Variants in NEU3 observed in about 807,000 individuals in gnomAD.
NEU3 encodes sialidase-3.
A neutral mutation model predicts 11.4 loss-of-function variants in NEU3; 10 were observed. That is an observed-to-expected ratio of 0.88 (90% CI 0.54 to 1.49). NEU3 has a LOEUF of 1.49. Among genes scored for constraint, NEU3 ranks in the 40% most tolerant of loss-of-function variants. The probability of loss-of-function intolerance (pLI) is 0.00; values close to 1 mark genes in which losing one functional copy is unlikely to be tolerated. For missense variants in NEU3, 529 were observed against 581.8 expected, an observed-to-expected ratio of 0.91 and a Z score of 0.93; for synonymous variants, 212 against 228.2, an observed-to-expected ratio of 0.93 and a Z score of 0.64.
At position 75,009,419 on chromosome 11, in the gene NEU3, A is replaced by G. The variant is rs1189093027; in HGVS notation, c.*2927A>G. 6.6e-6 allele frequency: 1 copy of G among 152,294 alleles called. No individual in the cohort carries two copies. The highest frequency in any genetic ancestry group is 1.5e-5 in the Non-Finnish European group (1 of 68,088). 9.4% of individuals were successfully genotyped at this position (152,294 alleles called of 1,614,324 possible). ...TTCCAGATGACCAACAAAGACAGCT[A>G]TAGACACTCTAACTCTGTGCCAATT... On this transcript the variant is annotated 3_prime_UTR_variant, in exon 3 of 3. Coordinates refer to ENST00000294064, the MANE Select transcript of NEU3 (RefSeq NM_006656.6).
upstream of NEU3, chr11:74,988,880 C>A: frequency 1.7e-6 from 1 of 602,166 alleles, no homozygotes; most frequent in Non-Finnish European, 2.9e-6. Context: ...CCCCAACCGC[C>A]ACTGACTACA....
upstream of NEU3, among the ~76,000 whole-genome samples, chr11:74,987,564 A>G (rs978640594): frequency 1.4e-4 from 21 of 152,258 alleles, no homozygotes; most frequent in African/African-American, 4.8e-4. Flanking sequence ...CTGTAATCCC[A>G]GCACTTTGGT....
Position 74,994,637 on chromosome 11 carries a change from G to T in NEU3, c.223G>T (p.Ala75Ser), listed in dbSNP as rs1191101489. 1 of 1,613,880 alleles carries T rather than the reference G, an allele frequency of 6.2e-7. No individual in the cohort carries two copies. Among genetic ancestry groups the T allele is most frequent in the East Asian group, 2.2e-5 (1 of 44,892 alleles). ...CCCCACCCACACCTTCCTGGCCTTT[G>T]CAGAGAAGCGTTCTACGAGGAGAGA... ...IPPTHTFLAF[A>S]EKRSTRRDED... Residue 75 changes from alanine to serine, a missense_variant, in exon 2 of 3, where the codon GCA (alanine) becomes TCA (serine). Physicochemically the swap from Ala to Ser is moderately conservative, Grantham distance 99. Coordinates refer to ENST00000294064, the MANE Select transcript of NEU3 (RefSeq NM_006656.6).
intron 2 of NEU3, among the ~76,000 whole-genome samples, chr11:75,000,608 A>G (rs1237558320): frequency 5.3e-5 from 8 of 151,040 alleles, no homozygotes; most frequent in African/African-American, 1.9e-4. Context: ...TGTATATACC[A>G]TATTTTGTTT....
the NEU3 span, among the ~76,000 whole-genome samples, chr11:74,982,863 CT>C: frequency 1.3e-5 from 2 of 152,160 alleles, no homozygotes; most frequent in Non-Finnish European, 1.5e-5. Context: ...CTAGTAACAA[CT>C]GTCTCCTGCA....
chr11:75,004,268 TGTCAA>T, intron 2 of NEU3: 1 of 679,720 alleles, frequency 1.5e-6, no homozygotes. Flanking sequence ...TAAAGTGTTA[TGTCAA>T]TTTAGTTATT....
At chr11:75,016,579 G>A (rs1337928441) in intron 3 of NEU3, among the ~76,000 whole-genome samples, 1 of 152,182 alleles carries the variant, frequency 6.6e-6, no homozygotes, top group Non-Finnish European at 1.5e-5. Flanking sequence ...CTAGCATAGT[G>A]GGACTTAAGT....
At chr11:74,985,997 T>G (rs542681321), upstream of NEU3, among the ~76,000 whole-genome samples, 29 of 152,238 alleles carry the variant, frequency 1.9e-4, no homozygotes, top group Admixed American at 3.3e-4. Flanking sequence ...GAGCCAAGTT[T>G]CCAGACACCT....
rs150460903 is a variant in NEU3, at chr11:75,002,991, A to G, written c.307-2422A>G. ...TTGTTGGATACTTGGGTTAGTTATT[A>G]TAAGTATAGATTATACTGCTGTGAA... On this transcript the variant is annotated intron_variant, in intron 2 of 2. Transcript: ENST00000294064. 4.6e-5 allele frequency among the ~76,000 whole-genome samples: 7 copies of G among 152,364 alleles called. No individual in the cohort carries two copies. In the East Asian group the frequency reaches 1.2e-3, roughly 25 times the overall value.
At chr11:75,001,833 A>G (rs1396213818) in intron 2 of NEU3, among the ~76,000 whole-genome samples, 1 of 152,210 alleles carries the variant, frequency 6.6e-6, no homozygotes, top group East Asian at 1.9e-4. Flanking sequence ...CTTCTCAAAA[A>G]CTAGACTGCT....
At chr11:74,987,221 AG>A (rs1189898571), upstream of NEU3, among the ~76,000 whole-genome samples, 2 of 152,230 alleles carry the variant, frequency 1.3e-5, no homozygotes, top group Non-Finnish European at 2.9e-5. Flanking sequence ...CAGAATAAAA[AG>A]CTGCTTTCCT....
chr11:75,016,735 C>T (rs1441491820), intron 3 of NEU3, among the ~76,000 whole-genome samples: 4 of 152,136 alleles, frequency 2.6e-5, no homozygotes, highest in African/African-American at 9.7e-5. Flanking sequence ...GGCTTTATGG[C>T]ATTGAAGTGA....
intron 1 of NEU3, among the ~76,000 whole-genome samples, 162 bp downstream of exon 1, chr11:74,989,316 C>G (rs1308399463): frequency 6.6e-6 from 1 of 152,186 alleles, no homozygotes; most frequent in African/African-American, 2.4e-5. Flanking sequence ...TTGGCTAGTC[C>G]TATTTTTATT....
intron 1 of NEU3, chr11:74,989,893 C>T: frequency 1.5e-6 from 1 of 684,328 alleles, no homozygotes. Flanking sequence ...AGCAAGTAAT[C>T]ATTTGAATTC....
In NEU3 at chr11:75,005,933, G is replaced by A. The variant is rs897785622; in HGVS notation, c.827G>A (p.Ser276Asn). The stretch of plus-strand genomic sequence containing the variant: ...GCTGGCCACCCTGTGCTATATTGCA[G>A]TGCCCGGACACCAAACAGGTGCCGG... ...GRAGHPVLYCSARTPNRCRAE... is the reference protein window; with the variant it reads ...GRAGHPVLYCNARTPNRCRAE... Residue 276 changes from serine to asparagine, a missense_variant, in exon 3 of 3, where the codon AGT becomes AAT. Physicochemically the swap from Ser to Asn is conservative, Grantham distance 46. Transcript: ENST00000294064. The A allele has an allele frequency of 3.1e-6, 5 of 1,613,576 alleles. No individual in the cohort carries two copies. In the Admixed American group the frequency reaches 5.0e-5, roughly 16 times the overall value.
rs192127035 is a variant in NEU3, at chr11:75,009,265, A to G, written c.*2773A>G. On this transcript the variant is annotated 3_prime_UTR_variant, in exon 3 of 3. Transcript: ENST00000294064. ...AGGTGGTAGCTGCTGTGAAGAAGAA[A>G]TGACAACAGGCTGGAGCTGTTCCCT... 21 of 152,488 alleles carry G rather than the reference A, an allele frequency of 1.4e-4. No individual in the cohort carries two copies. The highest frequency in any genetic ancestry group is 2.5e-4 in the Non-Finnish European group (17 of 68,136). 9.4% of individuals were successfully genotyped at this position (152,488 alleles called of 1,614,324 possible).
downstream of NEU3, among the ~76,000 whole-genome samples, chr11:75,012,318 G>A (rs1948961257): frequency 6.6e-6 from 1 of 152,190 alleles, no homozygotes; most frequent in Non-Finnish European, 1.5e-5. Context: ...CTTCCTCAAT[G>A]AACCTATGCA....
rs115717555 is a variant in NEU3, at chr11:75,000,937, A to C, written c.307-4476A>C. On this transcript the variant is annotated intron_variant, in intron 2 of 2. Coordinates refer to ENST00000294064, the MANE Select transcript of NEU3 (RefSeq NM_006656.6). ...TTGCTATGAATAAGGGTGTGAAAAT[A>C]TCTCTTTGGGACCTTGCTTTTAATT... is the stretch of plus-strand genomic sequence containing the variant. Among the ~76,000 whole-genome samples, 1,054 of 152,142 alleles carry C rather than the reference A, an allele frequency of 6.9e-3. 10 individuals carry two copies. Among genetic ancestry groups the C allele is most frequent in the African/African-American group, 0.024 (1,002 of 41,482 alleles).
At chr11:74,983,061 C>G in the NEU3 span, among the ~76,000 whole-genome samples, 2 of 152,114 alleles carry the variant, frequency 1.3e-5, no homozygotes, top group Admixed American at 6.5e-5. Context: ...ATAAAATTCA[C>G]AGATGTGAAA....
Sources: gnomAD v4.1 joint callset for allele counts (sites outside exome capture counted in the v4.1 genomes callset) on GRCh38, gnomAD v4.1.1 for gene constraint, MANE v1.5 for transcripts, NCBI Gene and HGNC (gene_info 2026-07-23, HGNC 2026-07-21) for gene names.